Variants in RBPJ observed in about 807,000 individuals in gnomAD.
RBPJ encodes recombination signal binding protein for immunoglobulin kappa J region, also known as recombining binding protein suppressor of hairless.
RBPJ carries 9 observed loss-of-function variants against 67.8 expected under a neutral mutation model. The ratio of observed to expected loss-of-function variants is 0.13; its 90% CI spans 0.08 to 0.23. The LOEUF (loss-of-function observed/expected upper bound fraction) is 0.23, where lower values mean the gene tolerates loss of function less well. Ranked by LOEUF, RBPJ falls within the 10% of genes least tolerant of loss-of-function variation. The pLI is 1.00. For synonymous variants in RBPJ, 198 were observed against 203.3 expected, an observed-to-expected ratio of 0.97 and a Z score of 0.22; for missense variants, 305 against 595.6, an observed-to-expected ratio of 0.51 and a Z score of 5.08.
At chr4:26,218,411 C>A (rs895277543) in intron 1 of RBPJ, among the ~76,000 whole-genome samples, 2 of 152,218 alleles carry the variant, frequency 1.3e-5, no homozygotes, top group Admixed American at 1.3e-4. Flanking sequence ...GAGCAAAATG[C>A]ATGGTCCTGC....
At chr4:26,295,952 A>G (rs1417437247) in intron 1 of RBPJ, among the ~76,000 whole-genome samples, 2 of 152,224 alleles carry the variant, frequency 1.3e-5, no homozygotes, top group Admixed American at 6.5e-5. Flanking sequence ...TGCTCATTTG[A>G]TATCAGTAAT....
chr4:26,255,209 C>T (rs1343622045), intron 1 of RBPJ, among the ~76,000 whole-genome samples: 1 of 140,514 alleles, frequency 7.1e-6, no homozygotes, highest in African/African-American at 2.7e-5. Flanking sequence ...TCGGGACCAT[C>T]CTGGCTAACA....
chr4:26,430,963 A>C lies in RBPJ; in HGVS notation c.1420A>C (p.Asn474His). ...SEGSYTNAST[N>H]STSVTSSTAT... The stretch of plus-strand genomic sequence containing the variant: ...GGGAAGTTACACAAACGCCAGCACA[A>C]ATTCAACCAGTGTCACATCATCTAC... Residue 474 changes from asparagine (N) to histidine (H), a missense_variant, in exon 11 of 11, where the codon AAT becomes CAT. By Grantham distance (68) the Asn-to-His change is moderately conservative. Coordinates refer to ENST00000355476, the MANE Select transcript of RBPJ (RefSeq NM_015874.6). The surrounding 1 kb of genome is among the most constrained non-coding windows in gnomAD (Gnocchi z 4.1). 6.2e-7 allele frequency: 1 copy of C among 1,614,080 alleles called. No individual in the cohort carries two copies. Among genetic ancestry groups the C allele is most frequent in the Middle Eastern group, 1.7e-4 (1 of 6,054 alleles).
intron 1 of RBPJ, among the ~76,000 whole-genome samples, chr4:26,374,037 G>A (rs1407618278): frequency 1.3e-5 from 2 of 149,794 alleles, no homozygotes; most frequent in Non-Finnish European, 3.0e-5. Context: ...TCCTGCCTCA[G>A]CCTACTGAGT....
chr4:26,210,686 C>CTTTCTTTCCTTT (rs56289492), intron 1 of RBPJ, among the ~76,000 whole-genome samples: 2 of 65,422 alleles, frequency 3.1e-5, no homozygotes, highest in African/African-American at 1.1e-4. Flanking sequence ...TTCTTTCTTT[C>CTTTCTTTCCTTT]CTTTCTTTCT....
intron 1 of RBPJ, among the ~76,000 whole-genome samples, chr4:26,241,739 T>C (rs1264366459): frequency 6.6e-6 from 1 of 152,096 alleles, no homozygotes; most frequent in Non-Finnish European, 1.5e-5. Context: ...CTCAAACTCC[T>C]GGCCTGAAGT....
At chr4:26,391,643 A>G (rs868728320) in intron 2 of RBPJ, among the ~76,000 whole-genome samples, 24 of 152,222 alleles carry the variant, frequency 1.6e-4, no homozygotes, top group African/African-American at 5.8e-4. Context: ...AAATTGATAA[A>G]TTTTACTTCA....
chr4:26,317,938 G>A (rs190853704), upstream of RBPJ, among the ~76,000 whole-genome samples: 7 of 152,268 alleles, frequency 4.6e-5, no homozygotes. Context: ...TTAGATCAGT[G>A]GTCTGGACTA....
intron 1 of RBPJ, among the ~76,000 whole-genome samples, chr4:26,323,981 T>A (rs1459344464): frequency 6.6e-6 from 1 of 152,250 alleles, no homozygotes; most frequent in East Asian, 1.9e-4. Flanking sequence ...TATTTTCTCA[T>A]GGATTGACTA....
chr4:26,378,135 C>G (rs565212579), intron 1 of RBPJ, among the ~76,000 whole-genome samples: 5 of 152,084 alleles, frequency 3.3e-5, no homozygotes, highest in Admixed American at 2.0e-4. Flanking sequence ...GTCAACTGTT[C>G]CACAGTTGGG....
chr4:26,363,404 C>T (rs1254568657), intron 1 of RBPJ, among the ~76,000 whole-genome samples: 1 of 152,042 alleles, frequency 6.6e-6, no homozygotes, highest in Non-Finnish European at 1.5e-5. Flanking sequence ...TCCGAAAGTG[C>T]TGGGACTACA....
At chr4:26,210,825 G>A (rs961969368) in intron 1 of RBPJ, among the ~76,000 whole-genome samples, 1 of 112,630 alleles carries the variant, frequency 8.9e-6, no homozygotes, top group African/African-American at 3.5e-5. Flanking sequence ...CTGTGTGTCT[G>A]GCTCTTTTAT....
the RBPJ span, among the ~76,000 whole-genome samples, chr4:26,153,839 G>A: frequency 4.6e-5 from 7 of 152,200 alleles, no homozygotes; most frequent in African/African-American, 7.2e-5. Flanking sequence ...CCTGTGCATC[G>A]TGTGAGACTG....
chr4:26,218,211 C>T (rs185861290), intron 1 of RBPJ, among the ~76,000 whole-genome samples: 1 of 152,330 alleles, frequency 6.6e-6, no homozygotes, highest in Non-Finnish European at 1.5e-5. Context: ...CCGTTATCCA[C>T]CCAGCTGTCG....
Position 26,424,647 on chromosome 4 carries a change from A to G in RBPJ, c.651A>G (p.Ser217=), listed in dbSNP as rs1185290326. ...CTACTGCAGTGGATGATGATGAATC[A>G]GAAGGAGAAGAATTCACAGTCCGAG... ...FFIHLLDDDE[S]EGEEFTVRDG... is the part of the protein sequence containing the mutation. Residue 217 remains serine, a synonymous_variant, in exon 7 of 11, where the codon TCA becomes TCG. Coordinates refer to ENST00000355476, the MANE Select transcript of RBPJ (RefSeq NM_015874.6). The surrounding 1 kb of genome is among the most constrained non-coding windows in gnomAD (Gnocchi z 5.3). The G allele has an allele frequency of 1.2e-6, 2 of 1,611,676 alleles. No homozygotes were observed. The highest frequency in any genetic ancestry group is 1.7e-6 in the Non-Finnish European group (2 of 1,178,268).
chr4:26,284,503 C>T (rs1261027461), intron 1 of RBPJ, among the ~76,000 whole-genome samples: 1 of 152,214 alleles, frequency 6.6e-6, no homozygotes, highest in African/African-American at 2.4e-5. Context: ...GAGTCTCGCT[C>T]TGTCACTAAG....
intron 3 of RBPJ, among the ~76,000 whole-genome samples, chr4:26,408,555 CTCAT>C (rs1353596838): frequency 6.6e-6 from 1 of 152,120 alleles, no homozygotes; most frequent in South Asian, 2.1e-4. Flanking sequence ...AGCTGTGCAC[CTCAT>C]AGTGAATCCG....
intron 1 of RBPJ, among the ~76,000 whole-genome samples, chr4:26,266,336 G>A (rs948048952): frequency 8.5e-5 from 13 of 152,066 alleles, no homozygotes; most frequent in African/African-American, 2.7e-4. Context: ...TACATGACAC[G>A]GGCATCTTCA....
chr4:26,307,126 C>T (rs1722262403), intron 1 of RBPJ, among the ~76,000 whole-genome samples: 2 of 152,148 alleles, frequency 1.3e-5, no homozygotes, highest in African/African-American at 4.8e-5. Flanking sequence ...TTGTGTAAAT[C>T]ATACCCTCCG....
Sources: gnomAD v4.1 joint callset for allele counts (sites outside exome capture counted in the v4.1 genomes callset) on GRCh38, gnomAD v4.1.1 for gene constraint, Gnocchi (gnomAD v3.1) non-coding constraint, MANE v1.5 for transcripts, NCBI Gene and HGNC (gene_info 2026-07-23, HGNC 2026-07-21) for gene names.